SUPT3H: variants seen among roughly 807,000 people sequenced by gnomAD.
SUPT3H encodes the protein transcription initiation protein SPT3 homolog.
Under a neutral mutation model 44.3 loss-of-function variants are expected in SUPT3H, and 44 were observed. The ratio of observed to expected loss-of-function variants is 0.99; its 90% CI spans 0.78 to 1.28. SUPT3H has a LOEUF of 1.28. Among genes scored for constraint, SUPT3H ranks in the 50% most tolerant of loss-of-function variants. The pLI is 0.00. For missense variants in SUPT3H, 380 were observed against 387.1 expected (o/e 0.98, Z 0.15); for synonymous variants, 124 against 125.6 (o/e 0.99, Z 0.09).
At chr6:44,981,505 A>G (rs182315549) in intron 6 of SUPT3H, among the ~76,000 whole-genome samples, 22 of 152,352 alleles carry the variant, frequency 1.4e-4, no homozygotes, top group African/African-American at 4.8e-4. Context: ...TCAGTGGCAA[A>G]TGAGTTTTAA....
intron 2 of SUPT3H, among the ~76,000 whole-genome samples, chr6:45,192,471 TTCAGCTTTAATTTTA>T (rs1216681732): frequency 6.6e-6 from 1 of 152,160 alleles, no homozygotes; most frequent in Non-Finnish European, 1.5e-5. Flanking sequence ...TTTAATTTAT[TTCAGCTTTAATTTTA>T]TGTTTTTAAA....
intron 2 of SUPT3H, among the ~76,000 whole-genome samples, chr6:45,195,361 T>C (rs1452564009): frequency 6.6e-6 from 1 of 152,134 alleles, no homozygotes; most frequent in African/African-American, 2.4e-5. Context: ...TCTCAGCCTA[T>C]GGAATGCCTG....
intron 2 of SUPT3H, among the ~76,000 whole-genome samples, chr6:45,193,396 C>G (rs889380533): frequency 6.6e-6 from 1 of 152,040 alleles, no homozygotes; most frequent in African/African-American, 2.4e-5. Context: ...AAAATCAAAG[C>G]TATTTTAATA....
intron 10 of SUPT3H, among the ~76,000 whole-genome samples, chr6:44,855,764 C>A (rs146275803): frequency 6.6e-6 from 1 of 151,890 alleles, no homozygotes; most frequent in East Asian, 1.9e-4. Flanking sequence ...ATCAGAGACA[C>A]TTTTGACTAC....
intron 9 of SUPT3H, among the ~76,000 whole-genome samples, chr6:44,945,576 T>C (rs930401448): frequency 1.3e-5 from 2 of 152,170 alleles, no homozygotes; most frequent in Admixed American, 1.3e-4. Context: ...GTAGGATGAA[T>C]AGAAGATCAA....
chr6:45,090,284 G>A (rs1048046711), intron 3 of SUPT3H, among the ~76,000 whole-genome samples: 7 of 151,882 alleles, frequency 4.6e-5, no homozygotes, highest in Non-Finnish European at 1.0e-4. Flanking sequence ...GTAAATAAAA[G>A]GATAATTTAT....
intron 2 of SUPT3H, among the ~76,000 whole-genome samples, chr6:45,212,751 C>G (rs1764345840): frequency 6.6e-6 from 1 of 152,170 alleles, no homozygotes; most frequent in African/African-American, 2.4e-5. Context: ...AACCTTCCCT[C>G]ACAGTTCTTA....
At chr6:44,870,843 A>G (rs911170724) in intron 10 of SUPT3H, among the ~76,000 whole-genome samples, 3 of 151,772 alleles carry the variant, frequency 2.0e-5, no homozygotes, top group African/African-American at 7.3e-5. Flanking sequence ...TGGGAAGCGC[A>G]AGGGGTCAGG....
At chr6:45,164,496 T>C (rs1263345881) in intron 2 of SUPT3H, among the ~76,000 whole-genome samples, 5 of 152,112 alleles carry the variant, frequency 3.3e-5, no homozygotes, top group Non-Finnish European at 4.4e-5. Context: ...TTTATACAGG[T>C]AGACAGGAGA....
At chr6:45,321,738 T>C (rs1785525644) in intron 2 of SUPT3H, 3 of 1,203,716 alleles carry the variant, frequency 2.5e-6, no homozygotes, top group Non-Finnish European at 3.6e-6. Context: ...CATTCTCTCT[T>C]CTACCCATAA....
intron 2 of SUPT3H, among the ~76,000 whole-genome samples, chr6:45,155,897 C>G (rs1470546057): frequency 6.6e-6 from 1 of 151,946 alleles, no homozygotes; most frequent in African/African-American, 2.4e-5. Context: ...AATGATAGGC[C>G]AATCTACCCA....
At position 45,299,224 on chromosome 6, in the gene SUPT3H, G is replaced by A. The variant is rs142517759; in HGVS notation, c.101+65977C>T. ...AAAAATTAGCCGGATGTGATGGCAG[G>A]GGCCTGTTGTCCCAGCTACTTGGAT... On this transcript the variant is annotated intron_variant, in intron 2 of 10. Coordinates refer to ENST00000371459, the MANE Select transcript of SUPT3H (RefSeq NM_003599.4). Among the ~76,000 whole-genome samples the A allele has an allele frequency of 2.8e-3, 427 of 151,824 alleles. 4 individuals are homozygous for A. The highest frequency in any genetic ancestry group is 0.02 in the Middle Eastern group (6 of 294).
chr6:45,148,535 G>A (rs1014444110), intron 2 of SUPT3H, among the ~76,000 whole-genome samples: 5 of 152,178 alleles, frequency 3.3e-5, no homozygotes, highest in Middle Eastern at 3.4e-3. Context: ...CATACAGGAG[G>A]ACACCAAAAG....
In SUPT3H at chr6:45,020,752, C is replaced by T. The variant is rs1177940139; in HGVS notation, c.187-120G>A. 6.8e-6 allele frequency: 4 copies of T among 588,278 alleles called. No homozygotes were observed. In the South Asian group the frequency reaches 1.3e-4, roughly 19 times the overall value. The allele number at this position is 588,278 out of a possible 1,614,324, so 36.4% of individuals were successfully genotyped here. ...TAAAAACCTTTGGGAAATAATCCAG[C>T]AATCACATTACTGCTTTTAAGAGTA... is the stretch of plus-strand genomic sequence containing the variant. On this transcript the variant is annotated intron_variant, in intron 3 of 10. Coordinates refer to ENST00000371459, the MANE Select transcript of SUPT3H (RefSeq NM_003599.4).
At chr6:45,312,262 A>C (rs1412933322) in intron 2 of SUPT3H, among the ~76,000 whole-genome samples, 4 of 152,194 alleles carry the variant, frequency 2.6e-5, no homozygotes, top group Non-Finnish European at 5.9e-5. Flanking sequence ...TAATCCCAGC[A>C]CTTTGGGAGG....
At chr6:45,179,538 G>A (rs1335459972) in intron 2 of SUPT3H, among the ~76,000 whole-genome samples, 1 of 152,168 alleles carries the variant, frequency 6.6e-6, no homozygotes, top group Non-Finnish European at 1.5e-5. Flanking sequence ...CCATGATCAA[G>A]TGGGCTTCAT....
At chr6:45,222,070 T>C (rs559890311) in intron 2 of SUPT3H, among the ~76,000 whole-genome samples, 3 of 151,956 alleles carry the variant, frequency 2.0e-5, no homozygotes, top group Non-Finnish European at 4.4e-5. Context: ...CATTTGGACA[T>C]TCATAGGCAA....
At position 44,911,449 on chromosome 6, in the gene SUPT3H, G is replaced by A. The variant is rs117583832; in HGVS notation, c.912+21204C>T. Among the ~76,000 whole-genome samples, 47 of 152,096 alleles carry A rather than the reference G, an allele frequency of 3.1e-4. No individual in the cohort carries two copies. In the East Asian group the frequency reaches 8.5e-3, roughly 27 times the overall value. On this transcript the variant is annotated intron_variant, in intron 10 of 10. Transcript: ENST00000371459. ...ATTCAAAAGACGATGCATTACTTAC[G>A]GCATAAAAAATACTTCTGGAATTTA...
At chr6:44,826,491 C>T (rs994047514), downstream of SUPT3H, among the ~76,000 whole-genome samples, 1 of 152,124 alleles carries the variant, frequency 6.6e-6, no homozygotes, top group Non-Finnish European at 1.5e-5. Context: ...CCAGAGCATA[C>T]AGGAAACTGT....
Sources: gnomAD v4.1 joint callset for allele counts (sites outside exome capture counted in the v4.1 genomes callset) on GRCh38, gnomAD v4.1.1 for gene constraint, MANE v1.5 for transcripts, NCBI Gene and HGNC (gene_info 2026-07-23, HGNC 2026-07-21) for gene names.